Variants in BRAT1 observed in about 807,000 individuals in gnomAD.
BRAT1 encodes the protein BRCA1 associated ATM activator 1.
BRAT1 carries 74 observed loss-of-function variants against 70.6 expected under a neutral mutation model. The observed-to-expected ratio is 1.05, with a 90% CI of 0.87 to 1.27. BRAT1 has a LOEUF of 1.27. Among genes scored for constraint, BRAT1 ranks in the 50% most tolerant of loss-of-function variants. The probability of loss-of-function intolerance (pLI) is 0.00; values close to 1 mark genes in which losing one functional copy is unlikely to be tolerated. For missense variants in BRAT1, 1,203 were observed against 1,098.2 expected (o/e 1.10, Z -1.35); for synonymous variants, 615 against 517.1 (o/e 1.19, Z -2.57).
chr7:2,539,036 G>T (rs1001818713), intron 13 of BRAT1, 143 bp downstream of exon 13: 4 of 1,443,228 alleles, frequency 2.8e-6, no homozygotes, highest in Non-Finnish European at 3.6e-6. Flanking sequence ...CAGCCCCAGG[G>T]CCTCGGCAGT....
At chr7:2,552,012 C>T (rs530656793) in intron 2 of BRAT1, among the ~76,000 whole-genome samples, 19 of 136,024 alleles carry the variant, frequency 1.4e-4, no homozygotes, top group African/African-American at 4.7e-4. Context: ...AAATTAAAAC[C>T]AAAGTACTGC....
At chr7:2,548,375 C>T (rs1779767363) in intron 2 of BRAT1, among the ~76,000 whole-genome samples, 1 of 151,954 alleles carries the variant, frequency 6.6e-6, no homozygotes. Flanking sequence ...AGAACCAGGC[C>T]AGGACCCAAA....
At chr7:2,540,652 G>A (rs1779071565) in intron 10 of BRAT1, 3 of 290,478 alleles carry the variant, frequency 1.0e-5, no homozygotes, top group Non-Finnish European at 1.9e-5. Flanking sequence ...TTCACAAATG[G>A]CGCTTAGGAG....
intron 12 of BRAT1, 41 bp downstream of exon 12, chr7:2,539,503 C>A (rs761031060): frequency 2.2e-5 from 33 of 1,524,058 alleles, no homozygotes; most frequent in Non-Finnish European, 2.9e-5. Flanking sequence ...GTGAGCCCCC[C>A]ACAGGCGGGG....
chr7:2,538,482 C>CTGGGGCCACCTCGGG lies in BRAT1; in HGVS notation c.2038_2052dup (p.Pro680_Pro684dup), dbSNP rs1778863903. On this transcript the variant is annotated inframe_insertion, in exon 14 of 14. Coordinates refer to ENST00000340611, the MANE Select transcript of BRAT1 (RefSeq NM_152743.4). ...CTCAGTGCCTCGGTGAGTGGCTGGG[C>CTGGGGCCACCTCGGG]TGGGGCCACCTCGGGTAGGGCCACG... 1 of 1,612,092 alleles carries CTGGGGCCACCTCGGG rather than the reference C, an allele frequency of 6.2e-7. No individual in the cohort carries two copies. The highest frequency in any genetic ancestry group is 8.5e-7 in the Non-Finnish European group (1 of 1,179,862).
intron 2 of BRAT1, among the ~76,000 whole-genome samples, chr7:2,553,814 G>T (rs73287563): frequency 0.011 from 1,415 of 133,254 alleles, 18 homozygotes; most frequent in African/African-American, 0.035. Flanking sequence ...GCTAATTTTT[G>T]TTTTTTTTTT....
chr7:2,550,888 C>T (rs1779956327), intron 2 of BRAT1, among the ~76,000 whole-genome samples: 1 of 152,110 alleles, frequency 6.6e-6, no homozygotes, highest in Admixed American at 6.6e-5. Context: ...GGGTCACGTA[C>T]CGACATCATA....
At chr7:2,553,058 GA>G (rs1780157632) in intron 2 of BRAT1, among the ~76,000 whole-genome samples, 1 of 151,332 alleles carries the variant, frequency 6.6e-6, no homozygotes, top group Non-Finnish European at 1.5e-5. Context: ...CTATTTTTTT[GA>G]GACAGAGTCC....
At chr7:2,540,942 T>G in intron 10 of BRAT1, 37 bp downstream of exon 10, 3 of 1,483,702 alleles carry the variant, frequency 2.0e-6, no homozygotes, top group Non-Finnish European at 2.7e-6. Flanking sequence ...TGCCTCTGCC[T>G]CCCTCCTCTC....
chr7:2,537,968 C>G lies in BRAT1; in HGVS notation c.*101G>C. 1 of 1,403,530 alleles carries G rather than the reference C, an allele frequency of 7.1e-7. No homozygotes were observed. Among genetic ancestry groups the G allele is most frequent in the Middle Eastern group, 2.4e-4 (1 of 4,150 alleles). 86.9% of individuals were successfully genotyped at this position (1,403,530 alleles called of 1,614,324 possible). On this transcript the variant is annotated 3_prime_UTR_variant, in exon 14 of 14. Transcript: ENST00000340611. ...CCTGGTCCTGGCTTCCCCAGAGGAT[C>G]CACCGGGCTGGGCTGGAGCCCTGGG...
In BRAT1 at chr7:2,539,354, G is replaced by A. The variant is rs1347186724; in HGVS notation, c.1598-3C>T. On this transcript the variant is annotated splice_region_variant and splice_polypyrimidine_tract_variant and intron_variant, in intron 12 of 13. Transcript: ENST00000340611. ...TGCGCATCTGAAGTCAGCCTGTCCT[G>A]GGGGTCGAAACGGCCACATGCAGCT... 1.2e-6 allele frequency: 2 copies of A among 1,601,374 alleles called. No individual in the cohort carries two copies. Among genetic ancestry groups the A allele is most frequent in the Non-Finnish European group, 1.7e-6 (2 of 1,171,808 alleles).
chr7:2,542,479 G>T, intron 6 of BRAT1: 1 of 533,336 alleles, frequency 1.9e-6, no homozygotes, highest in Non-Finnish European at 3.4e-6. Flanking sequence ...TGCACCCAGA[G>T]AGAGGGGCAG....
intron 3 of BRAT1, among the ~76,000 whole-genome samples, chr7:2,546,378 T>C (rs1779608168): frequency 6.6e-6 from 1 of 152,044 alleles, no homozygotes; most frequent in South Asian, 2.1e-4. Context: ...AGGTCAAGGC[T>C]GCAGTGAGCT....
At chr7:2,552,965 T>G (rs4721786) in intron 2 of BRAT1, among the ~76,000 whole-genome samples, 22,917 of 151,282 alleles carry the variant, frequency 0.15, 1,892 homozygotes, top group African/African-American at 0.21. Flanking sequence ...AGGAGGGTCT[T>G]GATCTCCAGA....
chr7:2,546,017 C>T (rs993042341), intron 3 of BRAT1, among the ~76,000 whole-genome samples: 3 of 152,232 alleles, frequency 2.0e-5, no homozygotes, highest in African/African-American at 2.4e-5. Flanking sequence ...CAAGAGAAGC[C>T]GTCGTGGTAG....
chr7:2,554,174 G>A, intron 2 of BRAT1, 131 bp downstream of exon 2: 1 of 1,276,110 alleles, frequency 7.8e-7, no homozygotes, highest in Non-Finnish European at 1.1e-6. Context: ...AGGAAGTGAA[G>A]GAAAGACATC....
In BRAT1 at chr7:2,543,512, C is replaced by G. The variant is rs780703030; in HGVS notation, c.803+78G>C. Reference sequence around the variant, plus strand: ...ATGTCCTCAGAGAGTCTCCGGCTGCCAGTGGGACATCCCTGGGCGTTATCC... The same window carrying G: ...ATGTCCTCAGAGAGTCTCCGGCTGCGAGTGGGACATCCCTGGGCGTTATCC... On this transcript the variant is annotated intron_variant, in intron 5 of 13. Coordinates refer to ENST00000340611, the MANE Select transcript of BRAT1 (RefSeq NM_152743.4). The surrounding 1 kb of genome is among the most constrained non-coding windows in gnomAD (Gnocchi z 5.5). 7.4e-6 allele frequency: 11 copies of G among 1,488,540 alleles called. No individual in the cohort carries two copies. Among genetic ancestry groups the G allele is most frequent in the Non-Finnish European group, 8.9e-6 (10 of 1,122,124 alleles). The allele number at this position is 1,488,540 out of a possible 1,614,324, so 92.2% of individuals were successfully genotyped here.
chr7:2,541,919 C>G (rs1334250011), intron 7 of BRAT1, 83 bp from the exon 8 acceptor site: 1 of 1,438,434 alleles, frequency 7.0e-7, no homozygotes, highest in Admixed American at 1.7e-5. Context: ...TCACCACCCA[C>G]AGCACAGGCC....
In BRAT1 at chr7:2,538,145, T is replaced by C. The variant is rs1295346826; in HGVS notation, c.2390A>G (p.Lys797Arg). ...TLAESSDHVE[K>R]SPQSLLQDML... ...GTCCTGCAGGAGGGACTGGGGACTC[T>C]TTTCCACGTGGTCGCTGCTCTCGGC... is the stretch of plus-strand genomic sequence containing the variant. The change falls in exon 14 of 14, where the codon AAG (lysine) becomes AGG (arginine). Residue 797 changes from lysine to arginine, a missense_variant. Physicochemically the swap from Lys to Arg is conservative, Grantham distance 26. Coordinates refer to ENST00000340611, the MANE Select transcript of BRAT1 (RefSeq NM_152743.4). 3 of 1,608,648 alleles carry C rather than the reference T, an allele frequency of 1.9e-6. No homozygotes were observed. The highest frequency in any genetic ancestry group is 2.5e-6 in the Non-Finnish European group (3 of 1,176,816).
Sources: allele counts gnomAD v4.1 joint callset (sites outside exome capture counted in the v4.1 genomes callset), GRCh38; gene constraint gnomAD v4.1.1; non-coding constraint Gnocchi (gnomAD v3.1); transcripts MANE v1.5; gene names NCBI Gene and HGNC (gene_info 2026-07-23, HGNC 2026-07-21).